Variants in FIRRM observed in about 807,000 individuals in gnomAD.
FIRRM encodes the protein FIGNL1 interacting regulator of recombination and mitosis.
chr1:169,786,071 T>C, the FIRRM span, among the ~76,000 whole-genome samples: 1 of 152,140 alleles, frequency 6.6e-6, no homozygotes, highest in African/African-American at 2.4e-5. Flanking sequence ...TGTTGGGAGA[T>C]AAGACACAAG....
At chr1:169,790,080 T>C in the FIRRM span, among the ~76,000 whole-genome samples, 1 of 152,212 alleles carries the variant, frequency 6.6e-6, no homozygotes, top group African/African-American at 2.4e-5. Flanking sequence ...GTTTCCTGGA[T>C]TTGTAGCCAT....
chr1:169,845,125 T>TCCAGACCA, the FIRRM span, among the ~76,000 whole-genome samples: 1 of 152,162 alleles, frequency 6.6e-6, no homozygotes, highest in Admixed American at 6.6e-5. Context: ...CAGGTTGTGT[T>TCCAGACCA]CCAGACCACC....
chr1:169,790,810 G>T, the FIRRM span, among the ~76,000 whole-genome samples: 2 of 152,312 alleles, frequency 1.3e-5, no homozygotes, highest in Non-Finnish European at 1.5e-5. Flanking sequence ...TACCTAGTAG[G>T]TAAGTCTGGA....
chr1:169,815,112 G>C, the FIRRM span, among the ~76,000 whole-genome samples: 4 of 151,818 alleles, frequency 2.6e-5, no homozygotes, highest in African/African-American at 9.7e-5. Context: ...CCTGGCCAAC[G>C]TGGTAAAACC....
chr1:169,823,150 C>T, the FIRRM span, among the ~76,000 whole-genome samples: 2 of 151,596 alleles, frequency 1.3e-5, no homozygotes, highest in African/African-American at 4.8e-5. Context: ...GCCTGGGAGG[C>T]TGAGGCACGA....
At chr1:169,786,795 A>C in the FIRRM span, among the ~76,000 whole-genome samples, 1 of 152,148 alleles carries the variant, frequency 6.6e-6, no homozygotes, top group South Asian at 2.1e-4. Flanking sequence ...CTTTGAATAA[A>C]ATTTTCAGGA....
At chr1:169,854,013 C>T in the FIRRM span, 1 of 583,346 alleles carries the variant, frequency 1.7e-6, no homozygotes, top group East Asian at 2.9e-5. Flanking sequence ...TGGATGACAC[C>T]AAATCCTTAT....
the FIRRM span, among the ~76,000 whole-genome samples, chr1:169,797,430 A>C: frequency 1.3e-5 from 2 of 152,230 alleles, no homozygotes; most frequent in Non-Finnish European, 2.9e-5. Context: ...CATGAGGCCA[A>C]TTCTACCCTA....
chr1:169,795,030 G>A, the FIRRM span: 2 of 1,199,740 alleles, frequency 1.7e-6, no homozygotes, highest in Admixed American at 2.0e-5. Flanking sequence ...AGCGCGCAAG[G>A]GTTGGCGGGA....
chr1:169,841,204 T>C, the FIRRM span, among the ~76,000 whole-genome samples: 1 of 152,356 alleles, frequency 6.6e-6, no homozygotes. Flanking sequence ...TCTATTGAGA[T>C]GATGAATATG....
chr1:169,795,858 C>G, the FIRRM span: 1 of 985,174 alleles, frequency 1.0e-6, no homozygotes, highest in East Asian at 1.1e-4. Context: ...AGTTCTTCCG[C>G]TTGTTGTTGG....
the FIRRM span, chr1:169,852,775 A>C: frequency 6.2e-7 from 1 of 1,612,198 alleles, no homozygotes; most frequent in Admixed American, 1.7e-5. Flanking sequence ...GATATTACTT[A>C]TGTTTTTTTT....
chr1:169,839,658 C>T, the FIRRM span, among the ~76,000 whole-genome samples: 5 of 152,270 alleles, frequency 3.3e-5, no homozygotes, highest in African/African-American at 1.2e-4. Flanking sequence ...TTGTCACATG[C>T]ATAGTTTGCA....
the FIRRM span, among the ~76,000 whole-genome samples, chr1:169,820,769 G>A: frequency 6.6e-6 from 1 of 152,148 alleles, no homozygotes; most frequent in South Asian, 2.1e-4. Flanking sequence ...GGGGCTGGAG[G>A]TTTCCTCAGT....
At chr1:169,827,932 T>A in the FIRRM span, 2 of 1,392,574 alleles carry the variant, frequency 1.4e-6, no homozygotes, top group East Asian at 4.6e-5. Context: ...GTGTGTTTTT[T>A]TTTTAAATCA....
the FIRRM span, among the ~76,000 whole-genome samples, chr1:169,828,145 T>C: frequency 2.6e-5 from 4 of 152,220 alleles, no homozygotes; most frequent in Non-Finnish European, 4.4e-5. Flanking sequence ...AAACGAGCTC[T>C]GATAAATAGA....
chr1:169,823,304 G>T, the FIRRM span: 1 of 583,116 alleles, frequency 1.7e-6, no homozygotes. Context: ...TTTTAAAAGG[G>T]GTCACATTCA....
chr1:169,788,394 T>G, the FIRRM span, among the ~76,000 whole-genome samples: 5 of 152,236 alleles, frequency 3.3e-5, no homozygotes, highest in African/African-American at 9.6e-5. Context: ...ATATGTTTTC[T>G]CTTCCTCCTA....
At chr1:169,796,013 C>T in the FIRRM span, 1 of 968,382 alleles carries the variant, frequency 1.0e-6, no homozygotes, top group Non-Finnish European at 1.2e-6. Flanking sequence ...ATCTTTTTCA[C>T]AACATTTGAG....
Sources: gnomAD v4.1 joint callset for allele counts (sites outside exome capture counted in the v4.1 genomes callset) on GRCh38, gnomAD v4.1.1 for gene constraint, MANE v1.5 for transcripts, NCBI Gene and HGNC (gene_info 2026-07-23, HGNC 2026-07-21) for gene names.